The following SELENOT variants were observed in gnomAD, a reference collection of about 807,000 sequenced individuals.
SELENOT encodes the protein selenoprotein T.
SELENOT carries 9 observed loss-of-function variants against 24.3 expected under a neutral mutation model. The ratio of observed to expected loss-of-function variants is 0.37; its 90% CI spans 0.22 to 0.65. SELENOT has a LOEUF of 0.65. Ranked by LOEUF, SELENOT falls within the 30% of genes least tolerant of loss-of-function variation. The probability of loss-of-function intolerance (pLI) is 0.60; values close to 1 mark genes in which losing one functional copy is unlikely to be tolerated. For synonymous variants in SELENOT, 81 were observed against 86.0 expected (o/e 0.94, Z 0.32); for missense variants, 166 against 247.6 (o/e 0.67, Z 2.21).
At chr3:150,612,163 G>T in intron 1 of SELENOT, among the ~76,000 whole-genome samples, 1 of 151,408 alleles carries the variant, frequency 6.6e-6, no homozygotes, top group South Asian at 2.1e-4. Flanking sequence ...GCGCAATCTT[G>T]GCTCACCGTA....
At chr3:150,603,783 A>G (rs543027237) in intron 1 of SELENOT, 18 of 269,098 alleles carry the variant, frequency 6.7e-5, no homozygotes, top group Admixed American at 1.1e-4. Flanking sequence ...ACTGGGGGAC[A>G]CCTGTTAGTA....
At chr3:150,626,840 C>G (rs758402683) in intron 4 of SELENOT, 170 bp from the exon 5 acceptor site, 3 of 604,860 alleles carry the variant, frequency 5.0e-6, no homozygotes, top group Non-Finnish European at 8.5e-6. Context: ...TTGTGTAGTT[C>G]TTTTGACATT....
chr3:150,615,878 G>A (rs1313979282), intron 1 of SELENOT, among the ~76,000 whole-genome samples: 4 of 151,010 alleles, frequency 2.6e-5, no homozygotes, highest in Non-Finnish European at 6.0e-5. Context: ...CCAAAAAAGA[G>A]CCCGCATCAC....
chr3:150,618,103 C>T (rs906762404), intron 1 of SELENOT, among the ~76,000 whole-genome samples: 20 of 152,094 alleles, frequency 1.3e-4, no homozygotes, highest in East Asian at 5.8e-4. Flanking sequence ...GTGATCCACC[C>T]GCCTCAGCCT....
At chr3:150,605,492 G>A (rs555673517) in intron 1 of SELENOT, among the ~76,000 whole-genome samples, 35 of 151,828 alleles carry the variant, frequency 2.3e-4, no homozygotes, top group Non-Finnish European at 3.5e-4. Context: ...TTGATACTTT[G>A]TTTTTCTTTG....
At chr3:150,616,994 C>G (rs1414078978) in intron 1 of SELENOT, among the ~76,000 whole-genome samples, 3 of 152,202 alleles carry the variant, frequency 2.0e-5, no homozygotes, top group Non-Finnish European at 4.4e-5. Flanking sequence ...AATCTACACT[C>G]AGGCAGCTGA....
In SELENOT at chr3:150,603,419, C is replaced by A. The variant is rs1725890255; in HGVS notation, c.57C>A (p.Ala19=). The change falls in exon 1 of 6, where the codon GCC becomes GCA. Residue 19 remains alanine, a synonymous_variant. Transcript: ENST00000471696. ...CGTCTGCGATGGTCCGGAGCGAGGC[C>A]TCGGCCAATCTGGGCGGCGTGCCCA... The part of the protein sequence containing the change: ...VAASAMVRSE[A]SANLGGVPSK... The A allele has an allele frequency of 5.6e-6, 9 of 1,613,432 alleles. No homozygotes were observed. Among genetic ancestry groups the A allele is most frequent in the African/African-American group, 1.3e-5 (1 of 75,068 alleles).
chr3:150,628,276 C>T lies in SELENOT; in HGVS notation c.*647C>T, dbSNP rs1726485004. The T allele has an allele frequency of 6.6e-6, 1 of 152,472 alleles. No individual in the cohort carries two copies. Among genetic ancestry groups the T allele is most frequent in the Non-Finnish European group, 1.5e-5 (1 of 67,980 alleles). 9.4% of individuals were successfully genotyped at this position (152,472 alleles called of 1,614,324 possible). ...TAAAAAAACCAACTGCTTTTTAAAT[C>T]CTATTGTGTAGTTAAAGTGTCATGC... is the stretch of plus-strand genomic sequence containing the variant. On this transcript the variant is annotated 3_prime_UTR_variant, in exon 6 of 6. Transcript: ENST00000471696.
intron 1 of SELENOT, among the ~76,000 whole-genome samples, chr3:150,613,070 A>T (rs1224282854): frequency 6.6e-6 from 1 of 152,238 alleles, no homozygotes; most frequent in African/African-American, 2.4e-5. Flanking sequence ...GAGCAGAATT[A>T]GACATAAAAA....
rs1726494677 is a variant in SELENOT at position 150,628,743 on chromosome 3, A to G, written c.*1114A>G. On this transcript the variant is annotated 3_prime_UTR_variant, in exon 6 of 6. Transcript: ENST00000471696. ...TTTTTAAAAAACTTAAGTTGATAAA[A>G]ACTGTAAGAATAATTTAGCAGAAAT... 6.6e-6 allele frequency: 1 copy of G among 152,232 alleles called. No individual in the cohort carries two copies. Among genetic ancestry groups the G allele is most frequent in the Non-Finnish European group, 1.5e-5 (1 of 68,032 alleles). The allele number at this position is 152,232 out of a possible 1,614,324, so 9.4% of individuals were successfully genotyped here.
chr3:150,626,019 GCCA>G (rs1726434924), intron 4 of SELENOT, among the ~76,000 whole-genome samples: 1 of 152,020 alleles, frequency 6.6e-6, no homozygotes, highest in African/African-American at 2.4e-5. Context: ...ACAGGCGCCT[GCCA>G]CCACGCCTGG....
chr3:150,614,185 T>G (rs1307392558), intron 1 of SELENOT, among the ~76,000 whole-genome samples: 1 of 152,130 alleles, frequency 6.6e-6, no homozygotes, highest in Admixed American at 6.5e-5. Context: ...ACATAAAACT[T>G]TTATTCAAGT....
At chr3:150,612,644 A>G (rs1401074632) in intron 1 of SELENOT, among the ~76,000 whole-genome samples, 1 of 152,246 alleles carries the variant, frequency 6.6e-6, no homozygotes, top group African/African-American at 2.4e-5. Context: ...CTAGCTAGCT[A>G]GTTTGTTCAA....
At chr3:150,617,207 C>T (rs774293700) in intron 1 of SELENOT, among the ~76,000 whole-genome samples, 1 of 152,126 alleles carries the variant, frequency 6.6e-6, no homozygotes, top group Non-Finnish European at 1.5e-5. Context: ...GTCTGTGTTC[C>T]TTTTTTTCTC....
At position 150,628,301 on chromosome 3, in the gene SELENOT, C is replaced by T. The variant is rs541583617; in HGVS notation, c.*672C>T. The T allele has an allele frequency of 3.9e-5, 6 of 152,664 alleles. No individual in the cohort carries two copies. The East Asian group carries it at 1.2e-3, about 29-fold the overall frequency. The allele number at this position is 152,664 out of a possible 1,614,324, so 9.5% of individuals were successfully genotyped here. On this transcript the variant is annotated 3_prime_UTR_variant, in exon 6 of 6. Transcript: ENST00000471696. ...CCTATTGTGTAGTTAAAGTGTCATG[C>T]CTTGACCAATCTAATGAATTGATTA...
Position 150,612,011 on chromosome 3 carries a change from A to C in SELENOT, c.137+8512A>C, listed in dbSNP as rs1726106354. 5.8e-6 allele frequency: 3 copies of C among 516,884 alleles called. No homozygotes were observed. The South Asian group carries it at 6.8e-5, about 12-fold the overall frequency. 32.0% of individuals were successfully genotyped at this position (516,884 alleles called of 1,614,324 possible). A position where few individuals can be genotyped will look rare whatever the true frequency, so the allele number is the denominator to read the frequency against. On this transcript the variant is annotated intron_variant, in intron 1 of 5. Transcript: ENST00000471696. The stretch of plus-strand genomic sequence containing the variant: ...ACTGGGCCTGCTGCTGCTGGCGCCG[A>C]AACAGTGGACAGTGCCGAGGGCCGG...
intron 1 of SELENOT, among the ~76,000 whole-genome samples, chr3:150,607,425 T>C (rs1265396033): frequency 3.3e-5 from 5 of 152,250 alleles, no homozygotes; most frequent in Non-Finnish European, 7.3e-5. Flanking sequence ...TGTTGGTTAC[T>C]GTAGACTTGA....
At chr3:150,615,803 C>G (rs1207067345) in intron 1 of SELENOT, among the ~76,000 whole-genome samples, 1 of 151,002 alleles carries the variant, frequency 6.6e-6, no homozygotes, top group Non-Finnish European at 1.5e-5. Flanking sequence ...CAATGCCATC[C>G]CCATCAAGCT....
At chr3:150,618,473 A>T (rs1311113685) in intron 1 of SELENOT, among the ~76,000 whole-genome samples, 1 of 152,178 alleles carries the variant, frequency 6.6e-6, no homozygotes, top group Non-Finnish European at 1.5e-5. Flanking sequence ...TAGGCATTTG[A>T]CTCCAATTAG....
Sources: gnomAD v4.1 joint callset for allele counts (sites outside exome capture counted in the v4.1 genomes callset) on GRCh38, gnomAD v4.1.1 for gene constraint, MANE v1.5 for transcripts, NCBI Gene and HGNC (gene_info 2026-07-23, HGNC 2026-07-21) for gene names.